The following AK6 variants were observed in gnomAD, a reference collection of about 807,000 sequenced individuals.
AK6 encodes adenylate kinase isoenzyme 6.
In AK6, 24 loss-of-function variants were observed where a neutral mutation model predicts 23.7. The ratio of observed to expected loss-of-function variants is 1.01; its 90% CI spans 0.73 to 1.43. The LOEUF (loss-of-function observed/expected upper bound fraction) is 1.43. Ranked by LOEUF, AK6 falls within the 40% of genes most tolerant of loss-of-function variation. AK6 has a pLI of 0.00. For synonymous variants in AK6, 73 were observed against 69.8 expected (o/e 1.05, Z -0.23); for missense variants, 191 against 199.1 (o/e 0.96, Z 0.24).
chr5:69,355,475 G>A (rs1011354565), intron 4 of AK6, 174 bp downstream of exon 4: 2 of 609,358 alleles, frequency 3.3e-6, no homozygotes, highest in African/African-American at 1.9e-5. Context: ...AGGTTGCAGT[G>A]GACCGAGATC....
At chr5:69,356,610 C>T (rs958227710) in intron 2 of AK6, among the ~76,000 whole-genome samples, 7 of 152,042 alleles carry the variant, frequency 4.6e-5, no homozygotes, top group Non-Finnish European at 8.8e-5. Context: ...GAGATCACAC[C>T]ACCGTACTCC....
intron 2 of AK6, among the ~76,000 whole-genome samples, chr5:69,361,372 C>T (rs1365108602): frequency 3.9e-5 from 6 of 152,194 alleles, no homozygotes; most frequent in East Asian, 1.9e-4. Context: ...CTGCCCACCT[C>T]GGCTCCCCAC....
upstream of AK6, chr5:69,369,548 G>A (rs1209502173): frequency 3.2e-5 from 51 of 1,609,856 alleles, no homozygotes; most frequent in South Asian, 3.6e-4. Flanking sequence ...TCTACAGGGA[G>A]GAGCCGGAAG....
intron 3 of AK6, 31 bp from the exon 4 acceptor site, chr5:69,355,825 T>G (rs1203829796): frequency 1.9e-6 from 3 of 1,595,604 alleles, no homozygotes; most frequent in Non-Finnish European, 2.6e-6. Context: ...AAAATGCTTC[T>G]TAAGAAAACT....
In AK6 at chr5:69,366,690, T is replaced by C. The variant is rs114975489; in HGVS notation, c.29-95A>G. 2,434 of 916,680 alleles carry C rather than the reference T, an allele frequency of 2.7e-3. 47 individuals are homozygous for C. In the African/African-American group the frequency reaches 0.036, roughly 14 times the overall value. The allele number at this position is 916,680 out of a possible 1,614,324, so 56.8% of individuals were successfully genotyped here. On this transcript the variant is annotated intron_variant, in intron 1 of 4. Coordinates refer to ENST00000380822, the MANE Select transcript of AK6 (RefSeq NM_016283.5). ...CTTTCCTTTTATTTTTGAGACAGAG[T>C]CTCACCTGGCCTCTGCCCTTAAAAG...
intron 1 of AK6, chr5:69,367,923 G>C (rs1318094959): frequency 2.0e-5 from 3 of 152,206 alleles, no homozygotes; most frequent in African/African-American, 7.2e-5. Context: ...CCAGCAATTT[G>C]GGAGGAGAAG....
intron 1 of AK6, among the ~76,000 whole-genome samples, chr5:69,367,425 C>A (rs1762485707): frequency 6.7e-6 from 1 of 148,640 alleles, no homozygotes; most frequent in South Asian, 2.1e-4. Flanking sequence ...CAGGAGAATC[C>A]CTTGAACCAG....
At chr5:69,369,557 AG>A, upstream of AK6, 1 of 1,608,944 alleles carries the variant, frequency 6.2e-7, no homozygotes, top group East Asian at 2.2e-5. Flanking sequence ...AGGAGCCGGA[AG>A]GGGCGGGCGG....
chr5:69,368,150 T>C (rs930945751), intron 1 of AK6, among the ~76,000 whole-genome samples: 1 of 152,230 alleles, frequency 6.6e-6, no homozygotes, highest in South Asian at 2.1e-4. Context: ...TATGTTTGCA[T>C]GTAAATGTAC....
chr5:69,369,771 C>T, upstream of AK6: 3 of 1,459,522 alleles, frequency 2.1e-6, no homozygotes, highest in South Asian at 1.2e-5. Flanking sequence ...TTCGGTGGTC[C>T]CCGCCCTTCG....
chr5:69,352,319 C>A, intron 4 of AK6, 66 bp from the exon 5 acceptor site: 1 of 1,312,920 alleles, frequency 7.6e-7, no homozygotes, highest in Non-Finnish European at 1.1e-6. Context: ...GTTTCAGAAA[C>A]ATACCAGAAA....
intron 2 of AK6, among the ~76,000 whole-genome samples, chr5:69,364,255 C>T (rs1254189884): frequency 1.3e-5 from 2 of 150,388 alleles, no homozygotes; most frequent in Non-Finnish European, 3.0e-5. Context: ...AATTATCAGC[C>T]CTGGATCAAA....
At chr5:69,359,915 G>C (rs1284238680) in intron 2 of AK6, among the ~76,000 whole-genome samples, 1 of 152,204 alleles carries the variant, frequency 6.6e-6, no homozygotes, top group Admixed American at 6.5e-5. Context: ...AGTGAAGTTA[G>C]ACAGCCAAAG....
intron 2 of AK6, chr5:69,365,658 C>T: frequency 6.2e-7 from 1 of 1,611,670 alleles, no homozygotes; most frequent in Non-Finnish European, 8.5e-7. Context: ...TTCTGTAATC[C>T]CCATATCCTT....
Position 69,352,087 on chromosome 5 carries a change from G to T in AK6, c.493C>A (p.Gln165Lys). 1 of 1,611,762 alleles carries T rather than the reference G, an allele frequency of 6.2e-7. No homozygotes were observed. The highest frequency in any genetic ancestry group is 8.5e-7 in the Non-Finnish European group (1 of 1,179,388). Residue 165 changes from glutamine (Q) to lysine (K), a missense_variant, in exon 5 of 5, where the codon CAG becomes AAG. Coordinates refer to ENST00000380822, the MANE Select transcript of AK6 (RefSeq NM_016283.5). The stretch of plus-strand genomic sequence containing the variant: ...CAAGAGTTATGATCTTTGATCCACT[G>T]CTCAATCCATTTCAAGATCTGATCT... Reference protein sequence around the residue: ...NVDQILKWIEQWIKDHNS With the variant: ...NVDQILKWIEKWIKDHNS
intron 2 of AK6, among the ~76,000 whole-genome samples, chr5:69,363,164 G>A (rs1762286354): frequency 6.6e-6 from 1 of 151,706 alleles, no homozygotes; most frequent in South Asian, 2.1e-4. Flanking sequence ...GGAGTTCAAG[G>A]ATGCAATGAG....
rs752724172 is a variant in AK6 at position 69,365,026 on chromosome 5, T to C, written c.121+1477A>G. 4 of 1,614,186 alleles carry C rather than the reference T, an allele frequency of 2.5e-6. No individual in the cohort carries two copies. The East Asian group carries it at 8.9e-5, about 36-fold the overall frequency. ...CTTTTCAATGCATTTGATGATTCATTGGCAGTATTTTGTGATGACATCATA... is the reference window on the plus strand; with the variant it reads ...CTTTTCAATGCATTTGATGATTCATCGGCAGTATTTTGTGATGACATCATA... On this transcript the variant is annotated intron_variant, in intron 2 of 4. Transcript: ENST00000380822.
chr5:69,361,820 G>C (rs930581641), intron 2 of AK6, among the ~76,000 whole-genome samples: 1 of 151,860 alleles, frequency 6.6e-6, no homozygotes, highest in Non-Finnish European at 1.5e-5. Context: ...TGGACAGGCT[G>C]GTCTTGAACT....
At chr5:69,360,755 A>T (rs1403415516) in intron 2 of AK6, among the ~76,000 whole-genome samples, 2 of 152,176 alleles carry the variant, frequency 1.3e-5, no homozygotes, top group Non-Finnish European at 2.9e-5. Context: ...TGGGATTCAG[A>T]AAAGGATAGA....
Sources: gnomAD v4.1 joint callset for allele counts (sites outside exome capture counted in the v4.1 genomes callset) on GRCh38, gnomAD v4.1.1 for gene constraint, MANE v1.5 for transcripts, NCBI Gene and HGNC (gene_info 2026-07-23, HGNC 2026-07-21) for gene names.